The following OLAH variants were observed in gnomAD, a reference collection of about 807,000 sequenced individuals.
The protein encoded by OLAH is oleoyl-ACP hydrolase.
OLAH carries 33 observed loss-of-function variants against 27.8 expected under a neutral mutation model. The observed-to-expected ratio is 1.19, with a 90% CI of 0.90 to 1.59. OLAH has a LOEUF of 1.59. Ranked by LOEUF, OLAH falls within the 40% of genes most tolerant of loss-of-function variation. The probability of loss-of-function intolerance (pLI) is 0.00; values close to 1 mark genes in which losing one functional copy is unlikely to be tolerated. For missense variants in OLAH, 359 were observed against 310.8 expected (o/e 1.16, Z -1.17); for synonymous variants, 120 against 102.9 (o/e 1.17, Z -1.01).
rs558917844 is a variant in OLAH, at chr10:15,073,137, G to C, written c.706G>C (p.Gly236Arg). 2.5e-6 allele frequency: 4 copies of C among 1,613,006 alleles called. No individual in the cohort carries two copies. The Admixed American group carries it at 5.0e-5, about 20-fold the overall frequency. Residue 236 changes from glycine to arginine, a missense_variant, in exon 8 of 8, where the codon GGT becomes CGT. By Grantham distance (125) the Gly-to-Arg change is moderately radical (BLOSUM62 -2). Coordinates refer to ENST00000378228, the MANE Select transcript of OLAH (RefSeq NM_001039702.3). Reference sequence around the variant, plus strand: ...TGCTAAAATTTACCAGCTTCCAGGGGGTCACTTTTATCTTCTGGATCCTGC... The same window carrying C: ...TGCTAAAATTTACCAGCTTCCAGGGCGTCACTTTTATCTTCTGGATCCTGC... Reference protein sequence around the residue: ...GNAKIYQLPGGHFYLLDPANE... With the variant: ...GNAKIYQLPGRHFYLLDPANE...
chr10:15,049,219 A>G (rs1041450294), intron 2 of OLAH, among the ~76,000 whole-genome samples: 2 of 147,522 alleles, frequency 1.4e-5, no homozygotes, highest in African/African-American at 5.0e-5. Context: ...CTGCACCCTC[A>G]AACTCTTAGG....
At chr10:15,041,713 T>A (rs1404646041), upstream of OLAH, among the ~76,000 whole-genome samples, 2 of 151,512 alleles carry the variant, frequency 1.3e-5, no homozygotes, top group Non-Finnish European at 2.9e-5. Context: ...GTAGCTGGGA[T>A]TACAGGCGTG....
At chr10:15,051,456 A>T (rs1844140948) in intron 3 of OLAH, among the ~76,000 whole-genome samples, 1 of 152,238 alleles carries the variant, frequency 6.6e-6, no homozygotes, top group African/African-American at 2.4e-5. Flanking sequence ...AATGGCTGCA[A>T]GCCTTGCAGG....
chr10:15,058,300 C>T (rs1216993308), intron 3 of OLAH, among the ~76,000 whole-genome samples: 1 of 151,866 alleles, frequency 6.6e-6, no homozygotes, highest in Non-Finnish European at 1.5e-5. Context: ...CCTATGTTGC[C>T]TAGGCTGGTC....
intron 6 of OLAH, among the ~76,000 whole-genome samples, chr10:15,067,550 A>G (rs942996096): frequency 2.6e-5 from 4 of 152,172 alleles, no homozygotes; most frequent in Non-Finnish European, 5.9e-5. Flanking sequence ...CAGAAGTAAC[A>G]CATTAACATA....
intron 1 of OLAH, among the ~76,000 whole-genome samples, chr10:15,038,269 C>T (rs991469834): frequency 6.6e-6 from 1 of 152,180 alleles, no homozygotes; most frequent in African/African-American, 2.4e-5. Context: ...AGGGACTCAC[C>T]TTGTCTCAGA....
intron 6 of OLAH, 75 bp from the exon 7 acceptor site, chr10:15,071,720 T>C (rs774398287): frequency 9.5e-6 from 14 of 1,481,332 alleles, no homozygotes; most frequent in East Asian, 2.3e-5. Flanking sequence ...CCAAGTTTCA[T>C]TGACATTAGG....
intron 4 of OLAH, among the ~76,000 whole-genome samples, 174 bp from the exon 5 acceptor site, chr10:15,064,229 G>C (rs1844422412): frequency 6.6e-6 from 1 of 152,170 alleles, no homozygotes. Context: ...CTTTGAAACA[G>C]TTTTTATGCT....
rs780009379 is a variant in OLAH at position 15,065,590 on chromosome 10, G to A, written c.409G>A (p.Ala137Thr). The change falls in exon 6 of 8, where the codon GCC becomes ACC. Residue 137 changes from alanine to threonine, a missense_variant. Coordinates refer to ENST00000378228, the MANE Select transcript of OLAH (RefSeq NM_001039702.3). ...TTGTTGTTCATGTTTCAAGTCAAAG[G>A]CCTGGCATCGCATTCCCAAAGATGA... is the stretch of plus-strand genomic sequence containing the variant. ...LSSATPVHSK[A>T]WHRIPKDDEL... is the part of the protein sequence containing the mutation. The A allele has an allele frequency of 3.1e-6, 5 of 1,609,990 alleles. No individual in the cohort carries two copies. Among genetic ancestry groups the A allele is most frequent in the Non-Finnish European group, 4.2e-6 (5 of 1,178,676 alleles).
At chr10:15,036,111 G>T (rs1264989234) in intron 1 of OLAH, among the ~76,000 whole-genome samples, 1 of 152,136 alleles carries the variant, frequency 6.6e-6, no homozygotes, top group East Asian at 1.9e-4. Flanking sequence ...CTGATTAACT[G>T]TACGTTTAAG....
rs141933979 is a variant in OLAH, at chr10:15,065,753, C to A, written c.572C>A (p.Thr191Asn). The change falls in exon 6 of 8, where the codon ACC becomes AAC. Residue 191 changes from threonine to asparagine, a missense_variant and splice_region_variant. Thr to Asn is a moderately conservative substitution (Grantham distance 65). Transcript: ENST00000378228. ...GATCTGAACATTGTTAGAAGTTGCA[C>A]GTAAGTAACAGAAACAAGGTTTTTT... The part of the protein sequence containing the change: ...RADLNIVRSC[T>N]SNVPSKAVLS... 1.3e-6 allele frequency: 2 copies of A among 1,583,764 alleles called. No homozygotes were observed. The highest frequency in any genetic ancestry group is 1.7e-6 in the Non-Finnish European group (2 of 1,169,654).
chr10:15,037,554 C>T (rs890409881), intron 1 of OLAH, among the ~76,000 whole-genome samples: 5 of 147,734 alleles, frequency 3.4e-5, no homozygotes, highest in African/African-American at 1.3e-4. Context: ...GCACGCCAGG[C>T]TGGGTGACAG....
intron 3 of OLAH, among the ~76,000 whole-genome samples, chr10:15,056,167 T>C (rs998606670): frequency 1.3e-5 from 2 of 152,212 alleles, no homozygotes; most frequent in Non-Finnish European, 2.9e-5. Context: ...ATCTAGTTTT[T>C]AGTATTCCAT....
intron 3 of OLAH, among the ~76,000 whole-genome samples, chr10:15,058,883 C>T (rs1051101002): frequency 1.3e-5 from 2 of 151,664 alleles, no homozygotes; most frequent in African/African-American, 2.4e-5. Context: ...CCTTCCTACC[C>T]CCTAGTATTG....
upstream of OLAH, among the ~76,000 whole-genome samples, chr10:15,040,915 T>C (rs972225091): frequency 5.3e-5 from 8 of 152,318 alleles, no homozygotes; most frequent in African/African-American, 1.9e-4. Flanking sequence ...TTTTCCTCAA[T>C]CCTGCCTCCC....
intron 3 of OLAH, chr10:15,056,926 G>A (rs768331334): frequency 3.3e-5 from 50 of 1,514,372 alleles, no homozygotes; most frequent in East Asian, 1.6e-4. Flanking sequence ...CACCGTAGGC[G>A]TGAGCCACCG....
At chr10:15,048,364 C>T (rs1037289038) in intron 2 of OLAH, among the ~76,000 whole-genome samples, 2 of 152,012 alleles carry the variant, frequency 1.3e-5, no homozygotes, top group Admixed American at 6.6e-5. Flanking sequence ...ATTACAGGTG[C>T]CCACCACCAC....
intron 6 of OLAH, among the ~76,000 whole-genome samples, chr10:15,070,681 G>T (rs577694699): frequency 6.1e-4 from 92 of 151,686 alleles, no homozygotes; most frequent in African/African-American, 2.1e-3. Flanking sequence ...GGGGTTTCCC[G>T]TGTTGGTCAG....
At chr10:15,063,568 G>T (rs1249119987) in intron 4 of OLAH, among the ~76,000 whole-genome samples, 1 of 152,058 alleles carries the variant, frequency 6.6e-6, no homozygotes, top group Non-Finnish European at 1.5e-5. Context: ...TGGCAGTTTT[G>T]TCAACCAAAT....
Sources: gnomAD v4.1 joint callset for allele counts (sites outside exome capture counted in the v4.1 genomes callset) on GRCh38, gnomAD v4.1.1 for gene constraint, MANE v1.5 for transcripts, NCBI Gene and HGNC (gene_info 2026-07-23, HGNC 2026-07-21) for gene names.